Variants in NAV3 observed in about 807,000 individuals in gnomAD.
NAV3 encodes the protein pore membrane and/or filament interacting like protein 1.
A neutral mutation model predicts 244.7 loss-of-function variants in NAV3; 87 were observed. The observed-to-expected ratio is 0.36, with a 90% confidence interval of 0.30 to 0.42. NAV3 has a LOEUF of 0.42. Among genes scored for constraint, NAV3 ranks in the 20% least tolerant of loss-of-function variants. The pLI, the probability that NAV3 is intolerant of heterozygous loss-of-function variation, is 1.00. For missense variants in NAV3, 2,663 were observed against 2,893.3 expected (o/e 0.92, Z 1.83); for synonymous variants, 1,126 against 1,042.2 (o/e 1.08, Z -1.55).
At chr12:77,574,934 T>C (rs1378935498) in intron 2 of NAV3, among the ~76,000 whole-genome samples, 1 of 151,700 alleles carries the variant, frequency 6.6e-6, no homozygotes, top group Non-Finnish European at 1.5e-5. Context: ...ATGATACCTT[T>C]TGCTTTATTA....
intron 2 of NAV3, among the ~76,000 whole-genome samples, chr12:77,814,682 GC>G (rs928548175): frequency 7.2e-5 from 11 of 152,200 alleles, no homozygotes; most frequent in Middle Eastern, 3.4e-3. Flanking sequence ...GACTGAAATT[GC>G]CCATCAGTGG....
At chr12:77,608,440 C>T (rs1870765873) in intron 2 of NAV3, among the ~76,000 whole-genome samples, 1 of 151,990 alleles carries the variant, frequency 6.6e-6, no homozygotes, top group East Asian at 1.9e-4. Flanking sequence ...CAGTATTATC[C>T]TCTGCATGTA....
At chr12:77,647,993 A>G (rs1340476695) in intron 2 of NAV3, among the ~76,000 whole-genome samples, 2 of 152,168 alleles carry the variant, frequency 1.3e-5, no homozygotes, top group African/African-American at 4.8e-5. Context: ...GCAGCAGTTC[A>G]AAAATAATGA....
At chr12:77,657,264 C>A (rs371985676) in intron 2 of NAV3, among the ~76,000 whole-genome samples, 8 of 151,884 alleles carry the variant, frequency 5.3e-5, no homozygotes, top group East Asian at 1.9e-4. Context: ...ATAAAAAATG[C>A]TAAAGGGGAT....
chr12:78,206,225 T>C (rs1162849492), intron 39 of NAV3, among the ~76,000 whole-genome samples: 1 of 152,150 alleles, frequency 6.6e-6, no homozygotes, highest in Non-Finnish European at 1.5e-5. Flanking sequence ...ATCTAGGCGA[T>C]ATCTTCCTTA....
At chr12:77,946,236 C>CGT (rs1435642941) in intron 3 of NAV3, among the ~76,000 whole-genome samples, 3 of 117,418 alleles carry the variant, frequency 2.6e-5, no homozygotes, top group African/African-American at 8.5e-5. Context: ...AATATATGTG[C>CGT]GTATGTGTGT....
intron 22 of NAV3, among the ~76,000 whole-genome samples, chr12:78,158,601 G>C (rs1957402023): frequency 6.6e-6 from 1 of 152,066 alleles, no homozygotes; most frequent in Non-Finnish European, 1.5e-5. Flanking sequence ...CTTCATTGAA[G>C]GGAATATGAA....
chr12:78,191,538 C>A (rs1259984495), intron 34 of NAV3, among the ~76,000 whole-genome samples: 1 of 152,104 alleles, frequency 6.6e-6, no homozygotes, highest in African/African-American at 2.4e-5. Context: ...AATGGGATCT[C>A]TTAAAGTTAA....
chr12:77,604,422 C>T (rs1870578514), intron 2 of NAV3, among the ~76,000 whole-genome samples: 2 of 151,962 alleles, frequency 1.3e-5, no homozygotes, highest in Admixed American at 1.3e-4. Context: ...AGATGAAGAA[C>T]ATTTAAAATC....
chr12:77,890,891 G>A (rs1883857197), intron 1 of NAV3, among the ~76,000 whole-genome samples: 1 of 152,150 alleles, frequency 6.6e-6, no homozygotes, highest in South Asian at 2.1e-4. Context: ...TGCCTATAAT[G>A]TTGCAGAAAC....
intron 1 of NAV3, among the ~76,000 whole-genome samples, chr12:77,884,081 C>T (rs1313624766): frequency 6.6e-6 from 1 of 152,048 alleles, no homozygotes; most frequent in Non-Finnish European, 1.5e-5. Context: ...AAACCTGGCT[C>T]CTAAGTCCTG....
At chr12:77,967,285 A>G (rs909295854) in intron 4 of NAV3, among the ~76,000 whole-genome samples, 2 of 152,100 alleles carry the variant, frequency 1.3e-5, no homozygotes, top group South Asian at 2.1e-4. Flanking sequence ...TTAGTTAAAC[A>G]TGCAAAATAA....
At chr12:77,868,295 A>G (rs573971138) in intron 1 of NAV3, among the ~76,000 whole-genome samples, 1 of 152,214 alleles carries the variant, frequency 6.6e-6, no homozygotes, top group East Asian at 1.9e-4. Context: ...CTTAAATGTT[A>G]CTTAATATAT....
chr12:77,729,626 TG>T lies in NAV3; in HGVS notation c.72+157363del, dbSNP rs1877034944. On this transcript the variant is annotated intron_variant, in intron 2 of 8. Transcript: ENST00000550042. ...CAAGAAATAAACAACGTTTTACCTCTGGGCCCTGGAATTGGAGGCAACAAAA... is the reference window on the plus strand; with the variant it reads ...CAAGAAATAAACAACGTTTTACCTCTGGCCCTGGAATTGGAGGCAACAAAA... 2.0e-5 allele frequency among the ~76,000 whole-genome samples: 3 copies of T among 152,002 alleles called. No homozygotes were observed. In the South Asian group the frequency reaches 6.2e-4, roughly 32 times the overall value.
At chr12:77,797,520 A>C (rs1871472701) in intron 2 of NAV3, among the ~76,000 whole-genome samples, 1 of 131,850 alleles carries the variant, frequency 7.6e-6, no homozygotes, top group Non-Finnish European at 1.5e-5. Flanking sequence ...AGAATCTTTA[A>C]AAAGTTTTTT....
At chr12:78,187,622 G>C (rs748710738) in intron 31 of NAV3, among the ~76,000 whole-genome samples, 1 of 151,778 alleles carries the variant, frequency 6.6e-6, no homozygotes, top group East Asian at 1.9e-4. Context: ...TTGATGAAAC[G>C]AATCCTGTAG....
intron 2 of NAV3, among the ~76,000 whole-genome samples, chr12:77,714,307 A>C (rs1876258599): frequency 6.6e-6 from 1 of 152,116 alleles, no homozygotes; most frequent in African/African-American, 2.4e-5. Flanking sequence ...CTATACAAAA[A>C]TTTACCCTAC....
intron 8 of NAV3, among the ~76,000 whole-genome samples, chr12:78,008,925 A>T (rs1874728934): frequency 6.6e-6 from 1 of 152,180 alleles, no homozygotes; most frequent in South Asian, 2.1e-4. Flanking sequence ...CGTGAGAAAA[A>T]AAATCATGAA....
At chr12:77,614,462 TA>T (rs1017751170) in intron 2 of NAV3, among the ~76,000 whole-genome samples, 3 of 152,134 alleles carry the variant, frequency 2.0e-5, no homozygotes, top group African/African-American at 7.2e-5. Context: ...AAAGAAATTT[TA>T]AAAAATATAT....
Sources: gnomAD v4.1 joint callset for allele counts (sites outside exome capture counted in the v4.1 genomes callset) on GRCh38, gnomAD v4.1.1 for gene constraint, MANE v1.5 for transcripts, NCBI Gene and HGNC (gene_info 2026-07-23, HGNC 2026-07-21) for gene names.